Variants in MACROD2 observed in about 807,000 individuals in gnomAD.
MACROD2 encodes mono-ADP ribosylhydrolase 2.
A neutral mutation model predicts 70.4 loss-of-function variants in MACROD2; 36 were observed. That is an observed-to-expected ratio of 0.51 (90% CI 0.39 to 0.68). MACROD2 has a LOEUF of 0.68. MACROD2 is among the 30% of genes least tolerant of loss of function. MACROD2 has a pLI of 0.00. For missense variants in MACROD2, 496 were observed against 538.4 expected (o/e 0.92, Z 0.78); for synonymous variants, 172 against 178.8 (o/e 0.96, Z 0.30).
chr20:15,760,394 G>C (rs888112887), intron 8 of MACROD2, among the ~76,000 whole-genome samples: 6 of 152,216 alleles, frequency 3.9e-5, no homozygotes, highest in Admixed American at 6.5e-5. Context: ...GAGAAGTGCA[G>C]CTTCGGCAGA....
chr20:14,209,464 GA>G (rs995926099), intron 3 of MACROD2, among the ~76,000 whole-genome samples: 1 of 151,386 alleles, frequency 6.6e-6, no homozygotes, highest in Non-Finnish European at 1.5e-5. Flanking sequence ...AATGATGCTG[GA>G]AAAAAAATAA....
At chr20:15,534,332 C>G (rs1283039242) in intron 8 of MACROD2, among the ~76,000 whole-genome samples, 2 of 151,986 alleles carry the variant, frequency 1.3e-5, no homozygotes, top group Admixed American at 6.5e-5. Context: ...AAATTAATTG[C>G]TAGAAGAAAG....
rs1465517290 is a variant in MACROD2 at position 15,323,098 on chromosome 20, G to A, written c.540+93037G>A. On this transcript the variant is annotated intron_variant, in intron 6 of 17. Transcript: ENST00000684519. ...GTTGATGTTGACATTCTGCCATTCT[G>A]CAGTGATATATTGCTTAATTTGCCT... Among the ~76,000 whole-genome samples the A allele has an allele frequency of 1.9e-5, 2 of 103,798 alleles. 1 individual carries two copies. The highest frequency in any genetic ancestry group is 5.9e-5 in the African/African-American group (2 of 33,794). 68.1% of individuals were successfully genotyped at this position (103,798 alleles called of 152,430 possible).
intron 4 of MACROD2, chr20:14,554,269 A>C (rs572193311): frequency 6.6e-6 from 1 of 152,174 alleles, no homozygotes; most frequent in Non-Finnish European, 1.5e-5. Flanking sequence ...AATGAGGTCA[A>C]TAATGACTGC....
chr20:14,213,076 T>G (rs563873563), intron 3 of MACROD2, among the ~76,000 whole-genome samples: 7 of 152,170 alleles, frequency 4.6e-5, no homozygotes, highest in Admixed American at 2.0e-4. Flanking sequence ...TTTTCTTGTT[T>G]GTAACCACAC....
chr20:15,268,900 T>C (rs2077321334), intron 6 of MACROD2, among the ~76,000 whole-genome samples: 1 of 152,154 alleles, frequency 6.6e-6, no homozygotes, highest in Non-Finnish European at 1.5e-5. Flanking sequence ...CCCCAGACTT[T>C]GGGGAATATG....
At chr20:15,112,203 A>C (rs893587531) in intron 5 of MACROD2, among the ~76,000 whole-genome samples, 1 of 152,190 alleles carries the variant, frequency 6.6e-6, no homozygotes. Context: ...GACAAAATAT[A>C]TCTTCTTAAT....
intron 8 of MACROD2, among the ~76,000 whole-genome samples, chr20:15,627,423 A>G (rs906264049): frequency 6.6e-6 from 1 of 152,160 alleles, no homozygotes; most frequent in South Asian, 2.1e-4. Flanking sequence ...GAGGCTGGCC[A>G]TGCCATACAG....
At chr20:15,810,318 T>A (rs1300597074) in intron 8 of MACROD2, among the ~76,000 whole-genome samples, 1 of 151,840 alleles carries the variant, frequency 6.6e-6, no homozygotes, top group African/African-American at 2.4e-5. Flanking sequence ...AGTGCCACAA[T>A]AAACATACAT....
chr20:14,523,835 A>C (rs1025412003), intron 4 of MACROD2, among the ~76,000 whole-genome samples: 2 of 152,248 alleles, frequency 1.3e-5, no homozygotes, highest in Non-Finnish European at 2.9e-5. Context: ...TTTTGTGTCT[A>C]TATGAGTTTG....
chr20:14,950,220 T>A (rs2074464298), intron 5 of MACROD2, among the ~76,000 whole-genome samples: 3 of 152,122 alleles, frequency 2.0e-5, no homozygotes, highest in Admixed American at 2.0e-4. Context: ...CTGAGTTATA[T>A]CATTCTAGGC....
intron 2 of MACROD2, among the ~76,000 whole-genome samples, chr20:14,059,620 G>A (rs971770644): frequency 1.3e-5 from 2 of 152,184 alleles, no homozygotes; most frequent in East Asian, 3.8e-4. Flanking sequence ...GGGTGGAGTG[G>A]TTCAGGGAGA....
chr20:15,148,710 C>G (rs2076247924), intron 5 of MACROD2, among the ~76,000 whole-genome samples: 1 of 151,948 alleles, frequency 6.6e-6, no homozygotes, highest in African/African-American at 2.4e-5. Flanking sequence ...TCAAATGGGC[C>G]GTACCCTGTA....
intron 5 of MACROD2, among the ~76,000 whole-genome samples, chr20:14,908,304 G>A (rs1251205998): frequency 6.6e-6 from 1 of 151,926 alleles, no homozygotes; most frequent in Non-Finnish European, 1.5e-5. Context: ...TCGTGCCACT[G>A]CACTCCAGCC....
intron 5 of MACROD2, among the ~76,000 whole-genome samples, chr20:14,984,701 A>G (rs756382478): frequency 4.6e-5 from 7 of 152,202 alleles, no homozygotes; most frequent in East Asian, 1.9e-4. Context: ...TTGGGGAAAC[A>G]TAGCTGTAAT....
At chr20:15,880,570 A>C (rs920650421) in intron 9 of MACROD2, among the ~76,000 whole-genome samples, 1 of 151,970 alleles carries the variant, frequency 6.6e-6, no homozygotes, top group Non-Finnish European at 1.5e-5. Flanking sequence ...ACTGGGGCTC[A>C]ATCCCAGTAG....
chr20:15,656,841 G>C (rs530987031), intron 8 of MACROD2, among the ~76,000 whole-genome samples: 1 of 152,012 alleles, frequency 6.6e-6, no homozygotes, highest in South Asian at 2.1e-4. Flanking sequence ...CCCAAGAATA[G>C]ATTGCACTAC....
At chr20:15,939,715 A>G (rs998810820) in intron 12 of MACROD2, among the ~76,000 whole-genome samples, 2 of 152,060 alleles carry the variant, frequency 1.3e-5, no homozygotes. Flanking sequence ...TGTAACTGCC[A>G]TAGATAGTGA....
At chr20:14,873,047 A>G (rs1399683250) in intron 5 of MACROD2, among the ~76,000 whole-genome samples, 1 of 140,044 alleles carries the variant, frequency 7.1e-6, no homozygotes, top group Non-Finnish European at 1.7e-5. Flanking sequence ...CCCCCTTGAC[A>G]CATGAAGAAT....
Sources: gnomAD v4.1 joint callset for allele counts (sites outside exome capture counted in the v4.1 genomes callset) on GRCh38, gnomAD v4.1.1 for gene constraint, MANE v1.5 for transcripts, NCBI Gene and HGNC (gene_info 2026-07-23, HGNC 2026-07-21) for gene names.